CEMIP2: variants seen among roughly 807,000 people sequenced by gnomAD.
The protein encoded by CEMIP2 is cell migration inducing hyaluronidase 2.
In CEMIP2, 79 loss-of-function variants were observed where a neutral mutation model predicts 146.9. The ratio of observed to expected loss-of-function variants is 0.54; its 90% confidence interval spans 0.45 to 0.65. CEMIP2 has a LOEUF of 0.65. Ranked by LOEUF, CEMIP2 falls within the 30% of genes least tolerant of loss-of-function variation. The pLI is 0.00. For synonymous variants in CEMIP2, 601 were observed against 606.3 expected, an observed-to-expected ratio of 0.99 and a Z score of 0.13; for missense variants, 1,596 against 1,696.2, an observed-to-expected ratio of 0.94 and a Z score of 1.04.
chr9:71,759,828 T>TG (rs34134528), intron 1 of CEMIP2, among the ~76,000 whole-genome samples: 20,847 of 60,290 alleles, frequency 0.35, 1,959 homozygotes, highest in East Asian at 0.42. Context: ...TACGGGGAGG[T>TG]GGGGGGGGGA....
chr9:71,718,267 A>C (rs545617702), intron 12 of CEMIP2, among the ~76,000 whole-genome samples, 188 bp from the exon 13 acceptor site: 1 of 152,332 alleles, frequency 6.6e-6, no homozygotes, highest in South Asian at 2.1e-4. Context: ...ACAAGTTTCC[A>C]GAGAACCAAC....
In CEMIP2 at chr9:71,734,690, T is replaced by C. The variant is rs543476286; in HGVS notation, c.1393+116A>G. The C allele has an allele frequency of 4.1e-5, 36 of 887,146 alleles. No homozygotes were observed. In the East Asian group the frequency reaches 4.6e-4, roughly 11 times the overall value. The allele number at this position is 887,146 out of a possible 1,614,324, so 55.0% of individuals were successfully genotyped here. ...CCACTGCTATGACTTTCAATACTGA[T>C]GATTGTGATGGTGGTGGTGGTAGTG... On this transcript the variant is annotated intron_variant, in intron 6 of 23. Transcript: ENST00000377044.
chr9:71,694,628 A>G (rs769068428), intron 20 of CEMIP2, 21 bp from the exon 21 acceptor site: 2 of 1,535,140 alleles, frequency 1.3e-6, no homozygotes, highest in South Asian at 1.1e-5. Context: ...AAGAAGTTCC[A>G]TATTTATGGC....
At chr9:71,698,784 T>C (rs1231496832) in intron 19 of CEMIP2, among the ~76,000 whole-genome samples, 1 of 152,214 alleles carries the variant, frequency 6.6e-6, no homozygotes, top group Non-Finnish European at 1.5e-5. Context: ...CCACCCATTC[T>C]GAATTATCTT....
intron 1 of CEMIP2, among the ~76,000 whole-genome samples, chr9:71,751,619 C>T (rs1202600373): frequency 2.0e-5 from 3 of 152,152 alleles, no homozygotes; most frequent in Non-Finnish European, 2.9e-5. Flanking sequence ...GCCTCTTTGC[C>T]CTATAATTCT....
chr9:71,708,338 C>A (rs1023991960), intron 17 of CEMIP2, among the ~76,000 whole-genome samples: 1 of 152,176 alleles, frequency 6.6e-6, no homozygotes, highest in African/African-American at 2.4e-5. Flanking sequence ...TTAAAATCAC[C>A]TTTGCAACTT....
intron 10 of CEMIP2, among the ~76,000 whole-genome samples, chr9:71,728,280 T>TATATGTATATACAC (rs1491467360): frequency 1.6e-4 from 2 of 12,652 alleles, no homozygotes; most frequent in African/African-American, 4.4e-4. Flanking sequence ...TATATATATA[T>TATATGTATATACAC]GTATATATAT....
At chr9:71,716,489 A>C in intron 14 of CEMIP2, 28 bp downstream of exon 14, 2 of 1,540,022 alleles carry the variant, frequency 1.3e-6, no homozygotes, top group East Asian at 2.3e-5. Context: ...GCTTTAAAAT[A>C]AGTAAGTATT....
chr9:71,748,347 A>G (rs1429134004), intron 2 of CEMIP2, among the ~76,000 whole-genome samples: 1 of 152,198 alleles, frequency 6.6e-6, no homozygotes, highest in African/African-American at 2.4e-5. Flanking sequence ...AAGAGCAGTG[A>G]GTATATTATC....
intron 1 of CEMIP2, among the ~76,000 whole-genome samples, chr9:71,751,754 G>A (rs762436809): frequency 1.3e-5 from 2 of 152,120 alleles, no homozygotes; most frequent in Non-Finnish European, 2.9e-5. Flanking sequence ...TGTGTCATGA[G>A]GACCCAAAGT....
Position 71,730,220 on chromosome 9 carries a change from G to T in CEMIP2, c.1807C>A (p.His603Asn). ...KDTIGFDTLGHCFFLEDGIEQ... is the reference protein window; with the variant it reads ...KDTIGFDTLGNCFFLEDGIEQ... ...ATACCATCTTCCAAAAAGAAACAATGACCTAGTGTGTCAAACCCAATGGTG... is the reference window on the plus strand; with the variant it reads ...ATACCATCTTCCAAAAAGAAACAATTACCTAGTGTGTCAAACCCAATGGTG... The change falls in exon 9 of 24, where the codon CAT becomes AAT. Residue 603 changes from histidine to asparagine, a missense_variant. Physicochemically the swap from His to Asn is moderately conservative, Grantham distance 68 (BLOSUM62 1). Transcript: ENST00000377044. The T allele has an allele frequency of 6.2e-7, 1 of 1,614,090 alleles. No homozygotes were observed. The highest frequency in any genetic ancestry group is 1.1e-5 in the South Asian group (1 of 91,064).
intron 11 of CEMIP2, among the ~76,000 whole-genome samples, chr9:71,723,148 A>AC (rs1564009400): frequency 1.3e-5 from 2 of 151,724 alleles, no homozygotes; most frequent in East Asian, 1.9e-4. Context: ...AAAAAAAAAA[A>AC]AAAACAAAAC....
chr9:71,730,253 T>G lies in CEMIP2; in HGVS notation c.1774A>C (p.Ile592Leu). The G allele has an allele frequency of 6.2e-7, 1 of 1,613,406 alleles. No individual in the cohort carries two copies. The highest frequency in any genetic ancestry group is 8.5e-7 in the Non-Finnish European group (1 of 1,179,492). Residue 592 changes from isoleucine to leucine, a missense_variant and splice_region_variant, in exon 9 of 24, where the codon ATA becomes CTA. Ile to Leu is a conservative substitution (Grantham distance 5, BLOSUM62 2). Coordinates refer to ENST00000377044, the MANE Select transcript of CEMIP2 (RefSeq NM_013390.3). ...GTGTCAAACCCAATGGTGTCTTTTA[T>G]CTGCAGAAATAAAAGTATATTAATG... Reference protein sequence around the residue: ...ITVHGTNGLLIKDTIGFDTLG... With the variant: ...ITVHGTNGLLLKDTIGFDTLG...
Position 71,690,128 on chromosome 9 carries a change from C to T in CEMIP2, c.3815G>A (p.Arg1272His), listed in dbSNP as rs185936154. 1 of 1,613,986 alleles carries T rather than the reference C, an allele frequency of 6.2e-7. No individual in the cohort carries two copies. The highest frequency in any genetic ancestry group is 8.5e-7 in the Non-Finnish European group (1 of 1,180,016). The part of the protein sequence containing the change: ...KTVFPLADVS[R>H]IEEYLKTGIP... Reference sequence around the variant, plus strand: ...GCCTGTTTTTAAATACTCTTCAATGCGACTGACATCAGCAAGAGGAAAAAC... The same window carrying T: ...GCCTGTTTTTAAATACTCTTCAATGTGACTGACATCAGCAAGAGGAAAAAC... Residue 1272 changes from arginine (R) to histidine (H), a missense_variant, in exon 22 of 24, where the codon CGC becomes CAC. Arg to His is a conservative substitution (Grantham distance 29, BLOSUM62 0). Coordinates refer to ENST00000377044, the MANE Select transcript of CEMIP2 (RefSeq NM_013390.3).
rs764523370 is a variant in CEMIP2 at position 71,744,969 on chromosome 9, TCA to T, written c.1034+47_1034+48del. The T allele has an allele frequency of 1.9e-6, 3 of 1,558,656 alleles. No individual in the cohort carries two copies. In the South Asian group the frequency reaches 3.6e-5, roughly 19 times the overall value. On this transcript the variant is annotated intron_variant, in intron 4 of 23. Coordinates refer to ENST00000377044, the MANE Select transcript of CEMIP2 (RefSeq NM_013390.3). ...TCCTTTCCCCACCCTCACTCTCCTC[TCA>T]CACAGACACGGACTCTGATAGGGAT...
At position 71,745,404 on chromosome 9, in the gene CEMIP2, T is replaced by C. The variant is rs1401473190; in HGVS notation, c.648A>G (p.Thr216=). 1.2e-6 allele frequency: 2 copies of C among 1,614,150 alleles called. No homozygotes were observed. Among genetic ancestry groups the C allele is most frequent in the Admixed American group, 1.7e-5 (1 of 60,020 alleles). Residue 216 remains threonine (T), a synonymous_variant, in exon 4 of 24, where the codon ACA becomes ACG. Coordinates refer to ENST00000377044, the MANE Select transcript of CEMIP2 (RefSeq NM_013390.3). ...GKSDEGESMP[T]FGKKFIGVEA... Reference sequence around the variant, plus strand: ...CCACACCAATAAACTTTTTGCCAAATGTTGGCATACTTTCACCTTCATCTG... The same window carrying C: ...CCACACCAATAAACTTTTTGCCAAACGTTGGCATACTTTCACCTTCATCTG...
chr9:71,741,205 T>C, intron 4 of CEMIP2, among the ~76,000 whole-genome samples: 1 of 124,030 alleles, frequency 8.1e-6, no homozygotes, highest in African/African-American at 2.8e-5. Flanking sequence ...TTTTTTTTTT[T>C]TTTTTTTTGA....
intron 10 of CEMIP2, among the ~76,000 whole-genome samples, chr9:71,726,993 C>G (rs1380144136): frequency 1.3e-5 from 2 of 152,050 alleles, no homozygotes; most frequent in African/African-American, 4.8e-5. Flanking sequence ...GTAAAAGGAG[C>G]TTTGTAAAAG....
At chr9:71,717,910 C>T in intron 13 of CEMIP2, 38 bp downstream of exon 13, 3 of 1,559,122 alleles carry the variant, frequency 1.9e-6, no homozygotes, top group Non-Finnish European at 2.6e-6. Context: ...AATAATACAT[C>T]AGTGTCATCA....
Sources: gnomAD v4.1 joint callset for allele counts (sites outside exome capture counted in the v4.1 genomes callset) on GRCh38, gnomAD v4.1.1 for gene constraint, MANE v1.5 for transcripts, NCBI Gene and HGNC (gene_info 2026-07-23, HGNC 2026-07-21) for gene names.